Variants in ZNF462 observed in about 807,000 individuals in gnomAD.
ZNF462 encodes zinc finger protein 462.
Under a neutral mutation model 201.9 loss-of-function variants are expected in ZNF462, and 10 were observed. The observed-to-expected ratio is 0.05, with a 90% CI of 0.03 to 0.08. The LOEUF (loss-of-function observed/expected upper bound fraction) is 0.08, where lower values mean the gene tolerates loss of function less well. ZNF462 is among the 10% of genes least tolerant of loss of function. The pLI is 1.00. For synonymous variants in ZNF462, 1,227 were observed against 1,193.3 expected (o/e 1.03, Z -0.58); for missense variants, 2,523 against 3,168.3 (o/e 0.80, Z 4.89).
At chr9:106,910,118 T>C (rs1359704447) in intron 1 of ZNF462, among the ~76,000 whole-genome samples, 1 of 152,172 alleles carries the variant, frequency 6.6e-6, no homozygotes, top group Non-Finnish European at 1.5e-5. Context: ...TTGCCTCTTA[T>C]AACTTTAATA....
At position 106,939,047 on chromosome 9, in the gene ZNF462, T is replaced by G. The variant is rs1255275130; in HGVS notation, c.6367T>G (p.Ser2123Ala). 1.9e-6 allele frequency: 3 copies of G among 1,613,630 alleles called. No homozygotes were observed. The African/African-American group carries it at 4.0e-5, about 22-fold the overall frequency. Residue 2123 changes from serine to alanine, a missense_variant, in exon 7 of 13, where the codon TCA becomes GCA. By Grantham distance (99) the Ser-to-Ala change is moderately conservative. Coordinates refer to ENST00000277225, the MANE Select transcript of ZNF462 (RefSeq NM_021224.6). ...PRPRIVSLLS[S>A]HSHHSSQKAT... ...GCCACGGATCGTCAGTCTCCTCTCCTCACACTCCCACCACTCCTCCCAAAA... is the reference window on the plus strand; with the variant it reads ...GCCACGGATCGTCAGTCTCCTCTCCGCACACTCCCACCACTCCTCCCAAAA...
rs1830197692 is a variant in ZNF462 at position 106,926,462 on chromosome 9, T to C, written c.2550T>C (p.Phe850=). ...GRLYYCKHCD[F]NNKSARSVST... is the part of the protein sequence containing the mutation. The stretch of plus-strand genomic sequence containing the variant: ...TTTACTATTGTAAACACTGTGACTT[T>C]AACAACAAATCTGCCCGGAGTGTTA... The change falls in exon 3 of 13, where the codon TTT becomes TTC. Residue 850 remains phenylalanine, a synonymous_variant. Transcript: ENST00000277225. The surrounding 1 kb of genome is among the most constrained non-coding windows in gnomAD (Gnocchi z 7.9). 1.2e-6 allele frequency: 2 copies of C among 1,614,190 alleles called. No homozygotes were observed. Among genetic ancestry groups the C allele is most frequent in the Non-Finnish European group, 1.7e-6 (2 of 1,180,034 alleles).
chr9:106,928,607 G>C lies in ZNF462; in HGVS notation c.4695G>C (p.Glu1565Asp). ...ACATATCCCAGAATGACGTGGAGGA[G>C]ACGAGCAGGATCTTCAAGCAAGGGT... ...SADISQNDVE[E>D]TSRIFKQGYG... Residue 1565 changes from glutamate to aspartate, a missense_variant, in exon 3 of 13, where the codon GAG (glutamate) becomes GAC (aspartate). Glu to Asp is a conservative substitution (Grantham distance 45). Coordinates refer to ENST00000277225, the MANE Select transcript of ZNF462 (RefSeq NM_021224.6). This position sits in a 1 kb window ranked among gnomAD's most constrained non-coding sequence, Gnocchi z 9.3. 6.2e-7 allele frequency: 1 copy of C among 1,614,178 alleles called. No individual in the cohort carries two copies. Among genetic ancestry groups the C allele is most frequent in the Non-Finnish European group, 8.5e-7 (1 of 1,180,046 alleles).
At chr9:106,997,872 CAAAA>C (rs910311384) in intron 10 of ZNF462, among the ~76,000 whole-genome samples, 19 of 151,940 alleles carry the variant, frequency 1.3e-4, no homozygotes, top group Admixed American at 1.2e-3. Flanking sequence ...GAAAAAGTAT[CAAAA>C]AAATTGTAAT....
intron 6 of ZNF462, among the ~76,000 whole-genome samples, chr9:106,936,346 C>T (rs1240273504): frequency 6.6e-6 from 1 of 152,184 alleles, no homozygotes; most frequent in Non-Finnish European, 1.5e-5. Context: ...TGTCACATTC[C>T]TTGTGCCTTG....
In ZNF462 at chr9:106,925,448, A is replaced by G. The variant is rs768183209; in HGVS notation, c.1536A>G (p.Ser512=). The G allele has an allele frequency of 1.2e-6, 2 of 1,614,046 alleles. No homozygotes were observed. The highest frequency in any genetic ancestry group is 1.7e-6 in the Non-Finnish European group (2 of 1,180,048). The change falls in exon 3 of 13, where the codon TCA becomes TCG. Residue 512 remains serine, a synonymous_variant. Transcript: ENST00000277225. The surrounding 1 kb of genome is among the most constrained non-coding windows in gnomAD (Gnocchi z 7.9). The part of the protein sequence containing the change: ...VNSQSESISS[S]LNEGVVSYES... The stretch of plus-strand genomic sequence containing the variant: ...CCCAGAGTGAAAGCATTTCTTCCTC[A>G]CTGAATGAAGGTGTGGTGTCTTATG...
chr9:106,867,332 T>C (rs899672535), intron 1 of ZNF462, among the ~76,000 whole-genome samples: 1 of 152,236 alleles, frequency 6.6e-6, no homozygotes, highest in African/African-American at 2.4e-5. Flanking sequence ...TTTTTGTTTA[T>C]GAGACAAGTT....
At chr9:106,896,221 C>T (rs1241558163) in intron 1 of ZNF462, among the ~76,000 whole-genome samples, 1 of 152,160 alleles carries the variant, frequency 6.6e-6, no homozygotes, top group African/African-American at 2.4e-5. Context: ...TTGTTTTTCT[C>T]TCACGTCTAG....
Position 106,870,172 on chromosome 9 carries a change from G to T in ZNF462, c.-31+6817G>T, listed in dbSNP as rs1827527551. On this transcript the variant is annotated intron_variant, in intron 1 of 12. Coordinates refer to ENST00000277225, the MANE Select transcript of ZNF462 (RefSeq NM_021224.6). The surrounding 1 kb of genome is among the most constrained non-coding windows in gnomAD (Gnocchi z 4.3). ...GGATAGAGTGGTGTGGTGTGAGGAG[G>T]TGCTAGTATTGTCACCTACAAATGC... Among the ~76,000 whole-genome samples, 2 of 152,190 alleles carry T rather than the reference G, an allele frequency of 1.3e-5. No homozygotes were observed. The highest frequency in any genetic ancestry group is 2.9e-5 in the Non-Finnish European group (2 of 68,042).
At position 106,939,714 on chromosome 9, in the gene ZNF462, T is replaced by C. The variant is rs1830785261; in HGVS notation, c.6427+607T>C. 2.0e-5 allele frequency among the ~76,000 whole-genome samples: 3 copies of C among 152,302 alleles called. No homozygotes were observed. In the South Asian group the frequency reaches 6.2e-4, roughly 32 times the overall value. ...ACAGGAAGCCAGGGAGAGGGTCTCC[T>C]CGCTAGCAATGTGACCAAAGCTGTA... On this transcript the variant is annotated intron_variant, in intron 7 of 12. Transcript: ENST00000277225.
rs1213309702 is a variant in ZNF462, at chr9:107,008,895, G to A, written c.7190-650G>A. On this transcript the variant is annotated intron_variant, in intron 11 of 12. Coordinates refer to ENST00000277225, the MANE Select transcript of ZNF462 (RefSeq NM_021224.6). This position sits in a 1 kb window ranked among gnomAD's most constrained non-coding sequence, Gnocchi z 4.8. ...GGCAGCTGGCCAGGATCTCTCAATA[G>A]CAGGGGACATGTGTTCACATACTGG... Among the ~76,000 whole-genome samples the A allele has an allele frequency of 6.6e-6, 1 of 152,210 alleles. No homozygotes were observed. The highest frequency in any genetic ancestry group is 1.5e-5 in the Non-Finnish European group (1 of 68,032).
intron 7 of ZNF462, among the ~76,000 whole-genome samples, chr9:106,942,024 G>GT (rs1021963162): frequency 6.6e-6 from 1 of 152,198 alleles, no homozygotes; most frequent in African/African-American, 2.4e-5. Flanking sequence ...CACAGTTAAG[G>GT]TTTCCCACAC....
intron 1 of ZNF462, among the ~76,000 whole-genome samples, chr9:106,909,544 G>A (rs549011561): frequency 1.2e-4 from 19 of 152,150 alleles, no homozygotes; most frequent in African/African-American, 4.3e-4. Context: ...CTTACATGCT[G>A]CATTCTCTGA....
At chr9:106,889,093 C>CTGA (rs1828457683) in intron 1 of ZNF462, among the ~76,000 whole-genome samples, 3 of 152,204 alleles carry the variant, frequency 2.0e-5, no homozygotes, top group Admixed American at 2.0e-4. Flanking sequence ...TCTCCCAGGA[C>CTGA]TGATGAGTCT....
intron 10 of ZNF462, among the ~76,000 whole-genome samples, chr9:107,002,194 T>C (rs963048817): frequency 2.0e-5 from 3 of 152,186 alleles, no homozygotes; most frequent in African/African-American, 7.2e-5. Context: ...ATCATCTAGC[T>C]GTGCCCTACT....
At position 106,968,175 on chromosome 9, in the gene ZNF462, T is replaced by G. The variant is rs749232203; in HGVS notation, c.6428-3830T>G. Among the ~76,000 whole-genome samples the G allele has an allele frequency of 2.0e-5, 3 of 152,166 alleles. No homozygotes were observed. Among genetic ancestry groups the G allele is most frequent in the Non-Finnish European group, 2.9e-5 (2 of 68,024 alleles). The stretch of plus-strand genomic sequence containing the variant: ...ACTTTATAATCAGACAGGTCTTTGT[T>G]CAAATCCTACCTCTGCTTCTTCGTG... On this transcript the variant is annotated intron_variant, in intron 7 of 12. Transcript: ENST00000277225. This position sits in a 1 kb window ranked among gnomAD's most constrained non-coding sequence, Gnocchi z 4.0.
chr9:106,901,485 G>C (rs993288910), intron 1 of ZNF462, among the ~76,000 whole-genome samples: 1 of 152,060 alleles, frequency 6.6e-6, no homozygotes, highest in Admixed American at 6.6e-5. Flanking sequence ...AGATTGCATT[G>C]AATTTGTACA....
intron 7 of ZNF462, among the ~76,000 whole-genome samples, chr9:106,951,038 C>T (rs905783584): frequency 1.3e-5 from 2 of 150,402 alleles, no homozygotes; most frequent in African/African-American, 4.9e-5. Context: ...TGCAGTGAGC[C>T]GAGATCACAC....
At chr9:106,884,478 C>T (rs1189648473) in intron 1 of ZNF462, among the ~76,000 whole-genome samples, 1 of 151,886 alleles carries the variant, frequency 6.6e-6, no homozygotes, top group Non-Finnish European at 1.5e-5. Flanking sequence ...TTACTGGATA[C>T]TGAGTGATTT....
Sources: gnomAD v4.1 joint callset for allele counts (sites outside exome capture counted in the v4.1 genomes callset) on GRCh38, gnomAD v4.1.1 for gene constraint, Gnocchi (gnomAD v3.1) non-coding constraint, MANE v1.5 for transcripts, NCBI Gene and HGNC (gene_info 2026-07-23, HGNC 2026-07-21) for gene names.